Variants in SCRG1 observed in about 807,000 individuals in gnomAD.
SCRG1 encodes the protein scrapie-responsive protein 1.
Under a neutral mutation model 7.7 loss-of-function variants are expected in SCRG1, and 3 were observed. The observed-to-expected ratio is 0.39, with a 90% CI of 0.18 to 1.01. The LOEUF (loss-of-function observed/expected upper bound fraction) is 1.01, where lower values mean the gene tolerates loss of function less well. Among genes scored for constraint, SCRG1 ranks in the 50% least tolerant of loss-of-function variants. The pLI is 0.36. For synonymous variants in SCRG1, 46 were observed against 41.2 expected (o/e 1.12, Z -0.44); for missense variants, 110 against 117.2 (o/e 0.94, Z 0.28).
the SCRG1 span, among the ~76,000 whole-genome samples, chr4:173,505,607 C>A: frequency 2.0e-5 from 3 of 152,212 alleles, no homozygotes; most frequent in Non-Finnish European, 4.4e-5. The surrounding 1 kb of genome is among the most constrained non-coding windows in gnomAD (Gnocchi z 4.4). Flanking sequence ...CCTCCTGCCA[C>A]AGGCCCGAAC....
chr4:173,506,615 G>A, the SCRG1 span, among the ~76,000 whole-genome samples: 1 of 151,842 alleles, frequency 6.6e-6, no homozygotes, highest in Non-Finnish European at 1.5e-5. The surrounding 1 kb of genome is among the most constrained non-coding windows in gnomAD (Gnocchi z 5.3). Context: ...TGTCCTGAGG[G>A]TAGGGGCGGG....
the SCRG1 span, among the ~76,000 whole-genome samples, chr4:173,420,975 C>G: frequency 6.6e-6 from 1 of 152,110 alleles, no homozygotes. Context: ...ACTTGACTGG[C>G]TTTTTCCTCT....
chr4:173,460,017 G>C, the SCRG1 span, among the ~76,000 whole-genome samples: 1 of 152,138 alleles, frequency 6.6e-6, no homozygotes, highest in African/African-American at 2.4e-5. Flanking sequence ...CAAGATGGCG[G>C]AATAGAAGGC....
the SCRG1 span, among the ~76,000 whole-genome samples, chr4:173,451,761 C>T: frequency 6.6e-6 from 1 of 151,764 alleles, no homozygotes; most frequent in African/African-American, 2.4e-5. Context: ...CTCTGCCTTC[C>T]ATGTTCAAGA....
chr4:173,480,174 A>G, the SCRG1 span, among the ~76,000 whole-genome samples: 1 of 152,154 alleles, frequency 6.6e-6, no homozygotes, highest in Admixed American at 6.5e-5. Context: ...CTCATCTATG[A>G]GTATTCTTCA....
At chr4:173,485,686 G>A in the SCRG1 span, among the ~76,000 whole-genome samples, 2 of 152,034 alleles carry the variant, frequency 1.3e-5, no homozygotes, top group Non-Finnish European at 2.9e-5. Flanking sequence ...GTTAAAAATT[G>A]TGGCTGGGCC....
the SCRG1 span, among the ~76,000 whole-genome samples, chr4:173,456,507 AAC>A: frequency 1.1e-4 from 16 of 152,296 alleles, no homozygotes; most frequent in African/African-American, 3.6e-4. Flanking sequence ...CATCACCTAT[AAC>A]ACACACGTGC....
At chr4:173,462,232 AAAG>A in the SCRG1 span, among the ~76,000 whole-genome samples, 1 of 152,206 alleles carries the variant, frequency 6.6e-6, no homozygotes, top group Admixed American at 6.5e-5. Context: ...GATTTAACCC[AAAG>A]AAGACTACCT....
At chr4:173,477,705 CCCTTCCTTCCTTCCTT>C in the SCRG1 span, among the ~76,000 whole-genome samples, 17,902 of 128,166 alleles carry the variant, frequency 0.14, 1,414 homozygotes, top group East Asian at 0.18. Context: ...TCTTTTTTTT[CCCTTCCTTCCTTCCTT>C]CCTTCCTTCC....
chr4:173,463,924 A>C, the SCRG1 span, among the ~76,000 whole-genome samples: 2 of 152,152 alleles, frequency 1.3e-5, no homozygotes, highest in Non-Finnish European at 2.9e-5. Context: ...GTGGCATAAC[A>C]GGCAGCTGAG....
At chr4:173,495,380 C>T in the SCRG1 span, among the ~76,000 whole-genome samples, 17 of 152,302 alleles carry the variant, frequency 1.1e-4, no homozygotes, top group Middle Eastern at 3.4e-3. Flanking sequence ...TTACCTATTT[C>T]GGCATGACTT....
At chr4:173,483,377 T>TTATATATTATATATTATATCATGA in the SCRG1 span, among the ~76,000 whole-genome samples, 14,836 of 16,344 alleles carry the variant, frequency 0.91, 7,284 homozygotes, top group Middle Eastern at 1. Context: ...TAATATTATA[T>TTATATATTATATATTATATCATGA]TATATATTAT....
At chr4:173,410,207 G>A (rs1740009431), upstream of SCRG1, among the ~76,000 whole-genome samples, 1 of 152,232 alleles carries the variant, frequency 6.6e-6, no homozygotes, top group Non-Finnish European at 1.5e-5. Context: ...GGGACAGCTT[G>A]TTCTAGATCC....
the SCRG1 span, among the ~76,000 whole-genome samples, chr4:173,479,437 T>TG: frequency 2.1e-5 from 3 of 143,744 alleles, no homozygotes; most frequent in Non-Finnish European, 4.6e-5. Context: ...GTTTGTTTGT[T>TG]TTTTTGTTTT....
At chr4:173,432,096 G>A in the SCRG1 span, among the ~76,000 whole-genome samples, 431 of 152,284 alleles carry the variant, frequency 2.8e-3, 3 homozygotes, top group Non-Finnish European at 2.9e-3. Context: ...TATAGTGGTT[G>A]CACATTGTGA....
At chr4:173,464,651 A>G in the SCRG1 span, among the ~76,000 whole-genome samples, 1 of 152,188 alleles carries the variant, frequency 6.6e-6, no homozygotes, top group Non-Finnish European at 1.5e-5. Context: ...GGGCCTGTAA[A>G]GTGGCACAGC....
chr4:173,445,707 C>T, the SCRG1 span, among the ~76,000 whole-genome samples: 3 of 146,906 alleles, frequency 2.0e-5, no homozygotes, highest in Non-Finnish European at 4.5e-5. Context: ...GCTCTGTCTT[C>T]TAGGCCGGAG....
intron 1 of SCRG1, among the ~76,000 whole-genome samples, chr4:173,396,925 TGACTGTAGTCCC>T (rs1739622578): frequency 6.6e-6 from 1 of 151,984 alleles, no homozygotes; most frequent in African/African-American, 2.4e-5. Flanking sequence ...TGGTGTCATG[TGACTGTAGTCCC>T]AGCTACTCAG....
At chr4:173,488,079 T>C in the SCRG1 span, among the ~76,000 whole-genome samples, 1 of 150,744 alleles carries the variant, frequency 6.6e-6, no homozygotes, top group Admixed American at 6.7e-5. Context: ...CAGCTTGGGC[T>C]ATAGAGTGAG....
Sources: allele counts gnomAD v4.1 joint callset (sites outside exome capture counted in the v4.1 genomes callset), GRCh38; gene constraint gnomAD v4.1.1; non-coding constraint Gnocchi (gnomAD v3.1); transcripts MANE v1.5; gene names NCBI Gene and HGNC (gene_info 2026-07-23, HGNC 2026-07-21).